TMTC2: variants seen among roughly 807,000 people sequenced by gnomAD.
The protein encoded by TMTC2 is protein O-mannosyl-transferase TMTC2.
A neutral mutation model predicts 82.4 loss-of-function variants in TMTC2; 43 were observed. The ratio of observed to expected loss-of-function variants is 0.52; its 90% CI spans 0.41 to 0.67. The LOEUF (loss-of-function observed/expected upper bound fraction) is 0.67, where lower values mean the gene tolerates loss of function less well. Ranked by LOEUF, TMTC2 falls within the 30% of genes least tolerant of loss-of-function variation. The probability of loss-of-function intolerance (pLI) is 0.00; values close to 1 mark genes in which losing one functional copy is unlikely to be tolerated. For missense variants in TMTC2, 919 were observed against 1,012.4 expected (o/e 0.91, Z 1.25); for synonymous variants, 408 against 381.9 (o/e 1.07, Z -0.80).
chr12:82,958,460 G>C (rs1181933816), intron 4 of TMTC2, among the ~76,000 whole-genome samples: 1 of 151,460 alleles, frequency 6.6e-6, no homozygotes, highest in East Asian at 1.9e-4. Context: ...GAATTGTGCA[G>C]TACATTAAAA....
At chr12:82,981,045 G>T (rs917869638) in intron 7 of TMTC2, among the ~76,000 whole-genome samples, 1 of 151,842 alleles carries the variant, frequency 6.6e-6, no homozygotes, top group Non-Finnish European at 1.5e-5. Flanking sequence ...TAACCTTTAT[G>T]TATACCATCA....
At chr12:83,127,375 T>C (rs1411004049) in intron 11 of TMTC2, among the ~76,000 whole-genome samples, 1 of 152,172 alleles carries the variant, frequency 6.6e-6, no homozygotes. Context: ...TGTCTTCATC[T>C]TTCTCATAAC....
chr12:83,063,485 G>A (rs927344705), intron 11 of TMTC2, among the ~76,000 whole-genome samples: 2 of 151,846 alleles, frequency 1.3e-5, no homozygotes, highest in African/African-American at 2.4e-5. Context: ...TTATTATTAT[G>A]TGCTAAGCAC....
At chr12:82,962,673 T>C (rs1380819191) in intron 4 of TMTC2, among the ~76,000 whole-genome samples, 1 of 152,040 alleles carries the variant, frequency 6.6e-6, no homozygotes, top group Non-Finnish European at 1.5e-5. Context: ...GCCTCTACCT[T>C]GATGTGGCTC....
intron 1 of TMTC2, among the ~76,000 whole-genome samples, chr12:82,834,841 G>A (rs1412897239): frequency 6.6e-6 from 1 of 151,894 alleles, no homozygotes; most frequent in Non-Finnish European, 1.5e-5. Flanking sequence ...TATAAATTAT[G>A]TCACATAAGC....
chr12:82,786,477 G>C (rs1465198146), intron 1 of TMTC2, among the ~76,000 whole-genome samples: 1 of 152,082 alleles, frequency 6.6e-6, no homozygotes, highest in African/African-American at 2.4e-5. Flanking sequence ...CAGTGGTGCT[G>C]ACTTAATTTT....
At chr12:83,035,011 T>C (rs1425618004) in intron 9 of TMTC2, among the ~76,000 whole-genome samples, 5 of 152,160 alleles carry the variant, frequency 3.3e-5, no homozygotes, top group African/African-American at 1.2e-4. Flanking sequence ...GAAATATATG[T>C]GTTTTGAGTC....
At chr12:82,783,368 C>A (rs749490578) in intron 1 of TMTC2, among the ~76,000 whole-genome samples, 2 of 150,794 alleles carry the variant, frequency 1.3e-5, no homozygotes, top group Admixed American at 1.3e-4. Flanking sequence ...TCTAAGCCTT[C>A]CTGAAGATCC....
chr12:83,051,660 A>G (rs1161556404), intron 10 of TMTC2, among the ~76,000 whole-genome samples: 1 of 152,150 alleles, frequency 6.6e-6, no homozygotes, highest in Non-Finnish European at 1.5e-5. Context: ...TTAATGTTTA[A>G]TAGTGGAGAG....
intron 4 of TMTC2, among the ~76,000 whole-genome samples, chr12:82,933,374 C>T (rs1178560509): frequency 1.3e-5 from 2 of 151,982 alleles, no homozygotes; most frequent in African/African-American, 4.8e-5. Flanking sequence ...ATTTTTTCTA[C>T]TTATTTGCAT....
In TMTC2 at chr12:83,116,239, C is replaced by T. The variant is rs117898511; in HGVS notation, c.2332-15971C>T. Among the ~76,000 whole-genome samples, 395 of 152,280 alleles carry T rather than the reference C, an allele frequency of 2.6e-3. 2 individuals are homozygous for T. Among genetic ancestry groups the T allele is most frequent in the South Asian group, 0.023 (111 of 4,830 alleles). ...GTCTCCAGTCTCATCTAGGTTGTGG[C>T]AAATGCCATTAATTCTTTCCTTTTT... is the stretch of plus-strand genomic sequence containing the variant. On this transcript the variant is annotated intron_variant, in intron 11 of 11. Coordinates refer to ENST00000321196, the MANE Select transcript of TMTC2 (RefSeq NM_152588.3).
At chr12:82,947,538 T>C (rs1877082193) in intron 4 of TMTC2, among the ~76,000 whole-genome samples, 1 of 139,586 alleles carries the variant, frequency 7.2e-6, no homozygotes, top group Non-Finnish European at 1.5e-5. Context: ...GAGACGGGGT[T>C]TCACCGTGGT....
chr12:82,894,319 G>C (rs1046021411), intron 2 of TMTC2, among the ~76,000 whole-genome samples: 2 of 152,140 alleles, frequency 1.3e-5, no homozygotes, highest in African/African-American at 4.8e-5. Context: ...GTGGAAAAGA[G>C]CATTCATAAT....
At chr12:82,737,881 G>T (rs935357837) in intron 1 of TMTC2, among the ~76,000 whole-genome samples, 2 of 152,174 alleles carry the variant, frequency 1.3e-5, no homozygotes, top group African/African-American at 4.8e-5. Context: ...AAGGGAGACA[G>T]TTCCCTGATG....
At chr12:82,808,266 T>C (rs926021765) in intron 1 of TMTC2, among the ~76,000 whole-genome samples, 1 of 152,020 alleles carries the variant, frequency 6.6e-6, no homozygotes, top group African/African-American at 2.4e-5. Context: ...AAAAGAAATA[T>C]GGTGATATAA....
intron 1 of TMTC2, among the ~76,000 whole-genome samples, chr12:82,834,970 C>T (rs553831262): frequency 1.4e-4 from 22 of 152,066 alleles, no homozygotes; most frequent in Admixed American, 1.1e-3. Flanking sequence ...CTCTGTCTCC[C>T]GAGTTCAAAC....
At chr12:82,907,089 T>G (rs1398017244) in intron 3 of TMTC2, among the ~76,000 whole-genome samples, 1 of 152,240 alleles carries the variant, frequency 6.6e-6, no homozygotes, top group African/African-American at 2.4e-5. Flanking sequence ...AGGCCCATTT[T>G]AAATATTTGA....
intron 1 of TMTC2, among the ~76,000 whole-genome samples, chr12:82,825,420 G>T (rs111501350): frequency 0.056 from 8,488 of 152,250 alleles, 288 homozygotes; most frequent in Middle Eastern, 0.19. Flanking sequence ...GGATAAGCCA[G>T]TACAGGGCCA....
chr12:82,989,027 C>A (rs1204184316), intron 8 of TMTC2, among the ~76,000 whole-genome samples: 1 of 151,030 alleles, frequency 6.6e-6, no homozygotes, highest in East Asian at 2.0e-4. Flanking sequence ...CAGAAGACAT[C>A]TTTAAAAGAA....
Sources: allele counts gnomAD v4.1 joint callset (sites outside exome capture counted in the v4.1 genomes callset), GRCh38; gene constraint gnomAD v4.1.1; transcripts MANE v1.5; gene names NCBI Gene and HGNC (gene_info 2026-07-23, HGNC 2026-07-21).